SULF1: variants seen among roughly 807,000 people sequenced by gnomAD.
The protein encoded by SULF1 is sulfatase 1.
Under a neutral mutation model 110.5 loss-of-function variants are expected in SULF1, and 46 were observed. The ratio of observed to expected loss-of-function variants is 0.42; its 90% confidence interval spans 0.33 to 0.53. SULF1 has a LOEUF of 0.53. Among genes scored for constraint, SULF1 ranks in the 20% least tolerant of loss-of-function variants. The probability of loss-of-function intolerance (pLI) is 0.12; values close to 1 mark genes in which losing one functional copy is unlikely to be tolerated. For missense variants in SULF1, 941 were observed against 1,094.2 expected, an observed-to-expected ratio of 0.86 and a Z score of 1.98; for synonymous variants, 371 against 387.1, an observed-to-expected ratio of 0.96 and a Z score of 0.49.
chr8:69,470,731 C>T (rs564903193), intron 1 of SULF1, among the ~76,000 whole-genome samples: 1 of 152,250 alleles, frequency 6.6e-6, no homozygotes, highest in South Asian at 2.1e-4. Context: ...CCACATAAAC[C>T]CTTACTACCC....
intron 13 of SULF1, among the ~76,000 whole-genome samples, chr8:69,611,930 A>AT (rs1808691579): frequency 1.3e-5 from 2 of 151,986 alleles, no homozygotes; most frequent in African/African-American, 4.8e-5. Context: ...GATTTCTGAG[A>AT]TTTTAGTGCA....
chr8:69,530,264 G>A (rs1216535062), intron 3 of SULF1, among the ~76,000 whole-genome samples: 3 of 151,906 alleles, frequency 2.0e-5, no homozygotes, highest in Non-Finnish European at 4.4e-5. Flanking sequence ...CAGGCTCTTT[G>A]AGCAAAAAGA....
chr8:69,487,435 G>C (rs1248253108), intron 1 of SULF1, among the ~76,000 whole-genome samples: 6 of 152,166 alleles, frequency 3.9e-5, no homozygotes, highest in African/African-American at 1.4e-4. Flanking sequence ...TTTGAAGTGG[G>C]GGTGCAGAGT....
At chr8:69,644,957 G>T (rs1811774716) in intron 22 of SULF1, among the ~76,000 whole-genome samples, 1 of 152,102 alleles carries the variant, frequency 6.6e-6, no homozygotes, top group Non-Finnish European at 1.5e-5. Flanking sequence ...AGCACTGTTG[G>T]ACTTTTCTGT....
chr8:69,637,942 G>A (rs1586610608), intron 19 of SULF1: 1 of 154,054 alleles, frequency 6.5e-6, no homozygotes. Flanking sequence ...TGGTATAAAA[G>A]ATGTTTGTGG....
intron 8 of SULF1, among the ~76,000 whole-genome samples, chr8:69,598,934 A>T (rs1225098133): frequency 1.3e-5 from 2 of 151,938 alleles, no homozygotes; most frequent in Non-Finnish European, 2.9e-5. Flanking sequence ...AACTTTGTCA[A>T]CCAAGAAGGC....
intron 3 of SULF1, among the ~76,000 whole-genome samples, chr8:69,561,231 A>T (rs1815463857): frequency 6.6e-6 from 1 of 152,178 alleles, no homozygotes; most frequent in Admixed American, 6.5e-5. Context: ...ATCAAATTGA[A>T]CCCTGTAAAT....
rs576359426 is a variant in SULF1 at position 69,511,481 on chromosome 8, A to G, written c.-134+9513A>G. Reference sequence around the variant, plus strand: ...CTGGTCTAGCATCTCCCCTAGTACAACATCACAGAGCTGCATGCTGAGCTT... The same window carrying G: ...CTGGTCTAGCATCTCCCCTAGTACAGCATCACAGAGCTGCATGCTGAGCTT... On this transcript the variant is annotated intron_variant, in intron 3 of 22. Coordinates refer to ENST00000402687, the MANE Select transcript of SULF1 (RefSeq NM_001128205.2). Among the ~76,000 whole-genome samples, 3 of 152,340 alleles carry G rather than the reference A, an allele frequency of 2.0e-5. No homozygotes were observed. In the East Asian group the frequency reaches 5.8e-4, roughly 29 times the overall value.
At chr8:69,552,735 C>T (rs1360186103) in intron 3 of SULF1, among the ~76,000 whole-genome samples, 1 of 152,184 alleles carries the variant, frequency 6.6e-6, no homozygotes, top group African/African-American at 2.4e-5. Context: ...ACCAGTAAAC[C>T]ACCACATAGG....
chr8:69,644,935 A>G (rs1405509595), intron 22 of SULF1, among the ~76,000 whole-genome samples: 1 of 152,100 alleles, frequency 6.6e-6, no homozygotes, highest in African/African-American at 2.4e-5. Flanking sequence ...CTTATTTTAA[A>G]GCTGTCTTAC....
intron 13 of SULF1, among the ~76,000 whole-genome samples, chr8:69,616,916 CT>C (rs1809196494): frequency 6.6e-6 from 1 of 152,034 alleles, no homozygotes; most frequent in Admixed American, 6.6e-5. Flanking sequence ...TACGCTTCCA[CT>C]TGGCTGTGGA....
At chr8:69,651,568 A>G (rs1052732917) in intron 22 of SULF1, among the ~76,000 whole-genome samples, 48 of 151,256 alleles carry the variant, frequency 3.2e-4, no homozygotes, top group African/African-American at 1.1e-3. Flanking sequence ...TTTATCTTTA[A>G]TGAACGTTGA....
At chr8:69,490,527 C>T (rs1809892664), upstream of SULF1, among the ~76,000 whole-genome samples, 1 of 152,120 alleles carries the variant, frequency 6.6e-6, no homozygotes, top group African/African-American at 2.4e-5. Flanking sequence ...CATTTGACTC[C>T]AACTGAGTAA....
intron 13 of SULF1, among the ~76,000 whole-genome samples, chr8:69,617,484 T>TTCTTGAAC (rs569740537): frequency 3.5e-4 from 48 of 138,328 alleles, no homozygotes; most frequent in Non-Finnish European, 6.7e-4. Context: ...GCCCAGGCTG[T>TTCTTGAAC]TCTTGAACTC....
intron 3 of SULF1, among the ~76,000 whole-genome samples, chr8:69,539,517 A>G (rs1004637177): frequency 3.3e-5 from 5 of 152,348 alleles, no homozygotes; most frequent in Middle Eastern, 3.4e-3. Context: ...ATTTTATTAA[A>G]TATTTTACAT....
chr8:69,635,766 C>T (rs184260265), intron 19 of SULF1, among the ~76,000 whole-genome samples: 156 of 152,080 alleles, frequency 1.0e-3, no homozygotes, highest in Non-Finnish European at 1.6e-3. Context: ...GCACCACAGG[C>T]GGCTGAACTG....
chr8:69,542,055 C>T (rs1352661827), intron 3 of SULF1, among the ~76,000 whole-genome samples: 6 of 152,090 alleles, frequency 3.9e-5, no homozygotes, highest in Non-Finnish European at 8.8e-5. Flanking sequence ...ATTTTCTTTA[C>T]AGCGCTGTCA....
At chr8:69,521,839 G>T (rs1306083404) in intron 3 of SULF1, among the ~76,000 whole-genome samples, 2 of 141,518 alleles carry the variant, frequency 1.4e-5, no homozygotes, top group Non-Finnish European at 3.0e-5. Context: ...GATGGGCCAA[G>T]GTAAAAAAAA....
chr8:69,608,873 AGCTGG>A (rs1318548202), intron 13 of SULF1, among the ~76,000 whole-genome samples: 1 of 152,104 alleles, frequency 6.6e-6, no homozygotes, highest in Non-Finnish European at 1.5e-5. Flanking sequence ...CCACTCTCTC[AGCTGG>A]GCGTTACACC....
Sources: allele counts gnomAD v4.1 joint callset (sites outside exome capture counted in the v4.1 genomes callset), GRCh38; gene constraint gnomAD v4.1.1; transcripts MANE v1.5; gene names NCBI Gene and HGNC (gene_info 2026-07-23, HGNC 2026-07-21).